The following NOS3 variants were observed in gnomAD, a reference collection of about 807,000 sequenced individuals.
The protein encoded by NOS3 is NOS type III.
A neutral mutation model predicts 144.9 loss-of-function variants in NOS3; 98 were observed. The observed-to-expected ratio is 0.68, with a 90% confidence interval of 0.57 to 0.80. The LOEUF (loss-of-function observed/expected upper bound fraction) is 0.80, where lower values mean the gene tolerates loss of function less well. Among genes scored for constraint, NOS3 ranks in the 30% least tolerant of loss-of-function variants. The pLI is 0.00. For missense variants in NOS3, 1,465 were observed against 1,656.4 expected, an observed-to-expected ratio of 0.88 and a Z score of 2.01; for synonymous variants, 714 against 702.4, an observed-to-expected ratio of 1.02 and a Z score of -0.26.
At position 151,013,225 on chromosome 7, in the gene NOS3, T is replaced by C; in HGVS notation, c.3107-6T>C. 1.9e-6 allele frequency: 3 copies of C among 1,611,180 alleles called. No homozygotes were observed. The Admixed American group carries it at 5.0e-5, about 27-fold the overall frequency. Reference sequence around the variant, plus strand: ...AGAGCCTTCCCAAGCGCGGGGTTGCTTGCAGGGCTGCAGCCCACTCCCATG... The same window carrying C: ...AGAGCCTTCCCAAGCGCGGGGTTGCCTGCAGGGCTGCAGCCCACTCCCATG... On this transcript the variant is annotated splice_polypyrimidine_tract_variant and splice_region_variant and intron_variant, in intron 24 of 26. Coordinates refer to ENST00000297494, the MANE Select transcript of NOS3 (RefSeq NM_000603.5).
intron 12 of NOS3, 31 bp from the exon 13 acceptor site, chr7:151,001,790 C>G: frequency 1.2e-6 from 2 of 1,613,100 alleles, no homozygotes; most frequent in Non-Finnish European, 1.7e-6. Flanking sequence ...TCTGTGCACC[C>G]AGGACACCCT....
Position 151,002,268 on chromosome 7 carries a change from C to A in NOS3, c.1716C>A (p.Ser572Arg). ...AGACGCTGGTGCTGGTGGTAACCAG[C>A]ACATTTGGGAATGGGGATCCCCCGG... ...EHETLVLVVT[S>R]TFGNGDPPEN... Residue 572 changes from serine (S) to arginine (R), a missense_variant, in exon 14 of 27, where the codon AGC becomes AGA. By Grantham distance (110) the Ser-to-Arg change is moderately radical. Around this residue, in one of 5 missense-constraint regions of NOS3, gnomAD observed 745 missense variants for 853.9 expected, o/e 0.87. Coordinates refer to ENST00000297494, the MANE Select transcript of NOS3 (RefSeq NM_000603.5). This position sits in a 1 kb window ranked among gnomAD's most constrained non-coding sequence, Gnocchi z 4.1. The A allele has an allele frequency of 6.3e-7, 1 of 1,599,230 alleles. No homozygotes were observed. The highest frequency in any genetic ancestry group is 8.5e-7 in the Non-Finnish European group (1 of 1,172,688).
intron 25 of NOS3, 160 bp from the exon 26 acceptor site, chr7:151,013,564 C>A: frequency 1.0e-6 from 1 of 1,002,586 alleles, no homozygotes. Context: ...CCGCCCCTGC[C>A]CCGCCCCTTT....
In NOS3 at chr7:151,008,746, G is replaced by C; in HGVS notation, c.2113-184G>C. The C allele has an allele frequency of 4.9e-6, 3 of 617,928 alleles. No individual in the cohort carries two copies. In the South Asian group the frequency reaches 7.2e-5, roughly 15 times the overall value. 38.3% of individuals were successfully genotyped at this position (617,928 alleles called of 1,614,324 possible). The stretch of plus-strand genomic sequence containing the variant: ...GACGTGCAGAGAAAGAGCCAGCCGG[G>C]TCCCTGGGCCCAGCGGCCAATCCAT... On this transcript the variant is annotated intron_variant, in intron 17 of 26. Coordinates refer to ENST00000297494, the MANE Select transcript of NOS3 (RefSeq NM_000603.5).
chr7:151,003,959 T>C lies in NOS3; in HGVS notation c.1752+1655T>C, dbSNP rs1795167438. The C allele has an allele frequency of 3.0e-6, 1 of 330,802 alleles. No homozygotes were observed. The highest frequency in any genetic ancestry group is 5.9e-6 in the Non-Finnish European group (1 of 169,104). 20.5% of individuals were successfully genotyped at this position (330,802 alleles called of 1,614,324 possible). ...TACCCGGCTTTTGTGGGCTTATGTT[T>C]TTATTTCTCTTGGGTAAATACCTAG... is the stretch of plus-strand genomic sequence containing the variant. On this transcript the variant is annotated intron_variant, in intron 14 of 26. Transcript: ENST00000297494. The surrounding 1 kb of genome is among the most constrained non-coding windows in gnomAD (Gnocchi z 4.1).
chr7:151,001,165 G>C, intron 10 of NOS3, 66 bp from the exon 11 acceptor site: 3 of 1,540,686 alleles, frequency 1.9e-6, no homozygotes, highest in Non-Finnish European at 1.8e-6. Context: ...GACCGGAGTG[G>C]TGGAGGAAGA....
At chr7:150,994,020 C>T in intron 2 of NOS3, 59 bp downstream of exon 2, 1 of 1,509,212 alleles carries the variant, frequency 6.6e-7, no homozygotes, top group Non-Finnish European at 8.8e-7. Flanking sequence ...GGCCTGAAGC[C>T]TGGGGCTGGG....
chr7:150,993,000 C>T (rs1802287072), intron 1 of NOS3, among the ~76,000 whole-genome samples: 1 of 152,184 alleles, frequency 6.6e-6, no homozygotes, highest in African/African-American at 2.4e-5. Context: ...CCGGCTGACC[C>T]TGCCTCAGCC....
rs372638388 is a variant in NOS3, at chr7:151,012,447, G to A, written c.3081G>A (p.Glu1027=). The part of the protein sequence containing the change: ...GIAPFRGFWQ[E]RLHDIESKGL... ...CCCCCTTCCGGGGATTCTGGCAGGAGCGGCTGCATGACATTGAGAGCAAAG... is the reference window on the plus strand; with the variant it reads ...CCCCCTTCCGGGGATTCTGGCAGGAACGGCTGCATGACATTGAGAGCAAAG... The change falls in exon 24 of 27, where the codon GAG becomes GAA. Residue 1027 remains glutamate (E), a synonymous_variant. Transcript: ENST00000297494. 1.6e-5 allele frequency: 26 copies of A among 1,611,784 alleles called. No homozygotes were observed. Among genetic ancestry groups the A allele is most frequent in the Non-Finnish European group, 2.1e-5 (25 of 1,179,330 alleles).
At chr7:151,012,985 G>C (rs558973131) in intron 24 of NOS3, 2 of 523,636 alleles carry the variant, frequency 3.8e-6, no homozygotes, top group Non-Finnish European at 6.7e-6. Context: ...GTCCGAAGCC[G>C]CGCATTCTAG....
At position 151,013,723 on chromosome 7, in the gene NOS3, G is replaced by C; in HGVS notation, c.3256-1G>C. 1 of 1,595,702 alleles carries C rather than the reference G, an allele frequency of 6.3e-7. No homozygotes were observed. The highest frequency in any genetic ancestry group is 1.7e-5 in the Admixed American group (1 of 58,136). On this transcript the variant is annotated splice_acceptor_variant, in intron 25 of 26. Transcript: ENST00000297494. LOFTEE classifies it high-confidence loss of function. ...CCCGCCCTAACCCCGCCGCCCCGCA[G>C]ACCTACGTGCAGGACATCCTGAGGA...
chr7:151,012,225 GTTT>G, intron 23 of NOS3, 123 bp from the exon 24 acceptor site: 1 of 503,876 alleles, frequency 2.0e-6, no homozygotes, highest in African/African-American at 2.0e-5. Context: ...TTTGTTTTTT[GTTT>G]TTTTTTTAAT....
chr7:151,006,880 T>G lies in NOS3; in HGVS notation c.1821-9T>G. On this transcript the variant is annotated splice_polypyrimidine_tract_variant and intron_variant, in intron 15 of 26. Coordinates refer to ENST00000297494, the MANE Select transcript of NOS3 (RefSeq NM_000603.5). ...CTGTGACAACCTTGTCTTTGTCCTC[T>G]CTTGCCAGGAGTTATAAGATCCGCT... 2 of 1,608,908 alleles carry G rather than the reference T, an allele frequency of 1.2e-6. No individual in the cohort carries two copies. The highest frequency in any genetic ancestry group is 1.7e-6 in the Non-Finnish European group (2 of 1,175,622).
intron 23 of NOS3, 77 bp downstream of exon 23, chr7:151,011,063 G>GA: frequency 2.0e-6 from 2 of 975,852 alleles, no homozygotes; most frequent in Non-Finnish European, 3.2e-6. Context: ...TCACTGGTGA[G>GA]GGGTGTCACT....
At chr7:151,006,642 G>A (rs1191088577) in intron 15 of NOS3, 148 bp downstream of exon 15, 4 of 736,436 alleles carry the variant, frequency 5.4e-6, no homozygotes, top group South Asian at 1.6e-5. Context: ...ATTCCAGGCT[G>A]CAATGGCAGT....
intron 15 of NOS3, 138 bp downstream of exon 15, chr7:151,006,632 A>G: frequency 1.3e-6 from 1 of 774,118 alleles, no homozygotes; most frequent in African/African-American, 1.8e-5. Flanking sequence ...GATGCCCTCC[A>G]TTCCAGGCTG....
At position 150,999,358 on chromosome 7, in the gene NOS3, C is replaced by T. The variant is rs1795023644; in HGVS notation, c.1125C>T (p.Ile375=). The T allele has an allele frequency of 6.4e-7, 1 of 1,573,260 alleles. No homozygotes were observed. The change falls in exon 9 of 27, where the codon ATC becomes ATT. Residue 375 remains isoleucine, a synonymous_variant. Transcript: ENST00000297494. ...RNLCDPHRYN[I]LEDVAVCMDL... ...TGTGTGACCCTCACCGCTACAACATCCTGGAGGTGAGGTGCGGGATGGGGC... is the reference window on the plus strand; with the variant it reads ...TGTGTGACCCTCACCGCTACAACATTCTGGAGGTGAGGTGCGGGATGGGGC...
At chr7:151,012,301 G>T (rs888209006) in intron 23 of NOS3, 50 bp from the exon 24 acceptor site, 7 of 1,478,174 alleles carry the variant, frequency 4.7e-6, no homozygotes, top group African/African-American at 4.2e-5. Context: ...TGGTGAGAAT[G>T]GTGGAGCAGG....
In NOS3 at chr7:151,014,146, G is replaced by A. The variant is rs747320181; in HGVS notation, c.3589G>A (p.Gly1197Ser). ...GAVPWAFDPPGSDTNSP is the reference protein window; with the variant it reads ...GAVPWAFDPPSSDTNSP ...AGTGCCCTGGGCGTTCGACCCTCCC[G>A]GCTCAGACACCAACAGCCCCTGAGA... is the stretch of plus-strand genomic sequence containing the variant. Residue 1197 changes from glycine (G) to serine (S), a missense_variant, in exon 27 of 27, where the codon GGC becomes AGC. Physicochemically the swap from Gly to Ser is moderately conservative, Grantham distance 56 (BLOSUM62 0). Coordinates refer to ENST00000297494, the MANE Select transcript of NOS3 (RefSeq NM_000603.5). The A allele has an allele frequency of 1.4e-5, 23 of 1,608,878 alleles. No individual in the cohort carries two copies. The South Asian group carries it at 1.8e-4, about 12-fold the overall frequency.
Sources: gnomAD v4.1 joint callset for allele counts (sites outside exome capture counted in the v4.1 genomes callset) on GRCh38, gnomAD v4.1.1 for gene constraint, gnomAD v4.1.1 regional missense constraint, Gnocchi (gnomAD v3.1) non-coding constraint, MANE v1.5 for transcripts, NCBI Gene and HGNC (gene_info 2026-07-23, HGNC 2026-07-21) for gene names.